PIWIL3: variants seen among roughly 807,000 people sequenced by gnomAD.
The protein encoded by PIWIL3 is piwi-like protein 3.
PIWIL3 carries 101 observed loss-of-function variants against 109.7 expected under a neutral mutation model. The ratio of observed to expected loss-of-function variants is 0.92; its 90% CI spans 0.78 to 1.09. The LOEUF (loss-of-function observed/expected upper bound fraction) is 1.09. Ranked by LOEUF, PIWIL3 falls within the 50% of genes least tolerant of loss-of-function variation. The pLI, the probability that PIWIL3 is intolerant of heterozygous loss-of-function variation, is 0.00. For missense variants in PIWIL3, 1,031 were observed against 1,072.6 expected, an observed-to-expected ratio of 0.96 and a Z score of 0.54; for synonymous variants, 373 against 376.4, an observed-to-expected ratio of 0.99 and a Z score of 0.10.
At chr22:24,772,832 A>G (rs1926203725) in intron 1 of PIWIL3, among the ~76,000 whole-genome samples, 1 of 152,212 alleles carries the variant, frequency 6.6e-6, no homozygotes, top group African/African-American at 2.4e-5. Context: ...CAGAGAAGTC[A>G]GGAAGGAGGC....
chr22:24,756,988 A>T (rs1320829988), intron 4 of PIWIL3, among the ~76,000 whole-genome samples: 1 of 150,332 alleles, frequency 6.7e-6, no homozygotes, highest in Non-Finnish European at 1.5e-5. Context: ...CTGAGACAGG[A>T]GAATCACTTG....
At chr22:24,761,924 A>T (rs1203974739) in intron 2 of PIWIL3, 1 of 977,044 alleles carries the variant, frequency 1.0e-6, no homozygotes, top group Non-Finnish European at 1.2e-6. Context: ...GTCCCCCTGG[A>T]GGTTGTCAGA....
chr22:24,727,854 C>T, intron 16 of PIWIL3, 96 bp downstream of exon 16: 1 of 996,820 alleles, frequency 1.0e-6, no homozygotes, highest in Non-Finnish European at 1.5e-6. Context: ...TGTCAAATTC[C>T]CAACCTCTTG....
At position 24,728,172 on chromosome 22, in the gene PIWIL3, C is replaced by T; in HGVS notation, c.1905+5G>A. ...GTTAAACGAAGTCAGTGAAATACAA[C>T]ATACGTCTGTCTCCACCTTCCAGAG... is the stretch of plus-strand genomic sequence containing the variant. On this transcript the variant is annotated splice_donor_5th_base_variant and intron_variant, in intron 15 of 20. Transcript: ENST00000616349. The T allele has an allele frequency of 5.0e-6, 8 of 1,613,836 alleles. No individual in the cohort carries two copies. Among genetic ancestry groups the T allele is most frequent in the Non-Finnish European group, 6.8e-6 (8 of 1,179,728 alleles).
intron 12 of PIWIL3, among the ~76,000 whole-genome samples, chr22:24,741,249 T>C (rs1354921841): frequency 1.3e-5 from 2 of 152,138 alleles, no homozygotes; most frequent in Non-Finnish European, 2.9e-5. Context: ...GCGCGGTGGC[T>C]CACACCTGTA....
At chr22:24,729,336 A>G (rs1923194205) in intron 14 of PIWIL3, among the ~76,000 whole-genome samples, 1 of 152,134 alleles carries the variant, frequency 6.6e-6, no homozygotes, top group Admixed American at 6.5e-5. Flanking sequence ...GAGAGCTCGG[A>G]TAACACCGCA....
chr22:24,743,874 T>C lies in PIWIL3; in HGVS notation c.1449+5033A>G, dbSNP rs77080336. On this transcript the variant is annotated intron_variant, in intron 12 of 20. Coordinates refer to ENST00000616349, the MANE Select transcript of PIWIL3 (RefSeq NM_001255975.1). ...CAAACGACAAATTTAAAATAGAGTT[T>C]ATTCATTTTCTTTTTGCTTGTTTGT... 2.1e-3 allele frequency among the ~76,000 whole-genome samples: 327 copies of C among 152,248 alleles called. 3 individuals carry two copies. Among genetic ancestry groups the C allele is most frequent in the African/African-American group, 7.2e-3 (299 of 41,550 alleles).
chr22:24,768,752 AT>A (rs1295676095), intron 1 of PIWIL3, among the ~76,000 whole-genome samples: 1 of 152,138 alleles, frequency 6.6e-6, no homozygotes. Flanking sequence ...AAGGAGAGAG[AT>A]TTCATTTTCT....
chr22:24,738,915 G>A (rs1397311134), intron 12 of PIWIL3, among the ~76,000 whole-genome samples: 1 of 152,082 alleles, frequency 6.6e-6, no homozygotes, highest in Non-Finnish European at 1.5e-5. Context: ...AAACAGATAT[G>A]TGACCTTTCG....
At chr22:24,746,234 C>T (rs1378340490) in intron 12 of PIWIL3, among the ~76,000 whole-genome samples, 3 of 152,180 alleles carry the variant, frequency 2.0e-5, no homozygotes, top group East Asian at 1.9e-4. Flanking sequence ...AAAAGTTCAT[C>T]ACCAAGTGGG....
intron 12 of PIWIL3, among the ~76,000 whole-genome samples, chr22:24,741,900 G>A (rs1383132597): frequency 6.6e-6 from 1 of 151,054 alleles, no homozygotes; most frequent in Non-Finnish European, 1.5e-5. Flanking sequence ...CCTAGCCAGA[G>A]CAATCAGACA....
At position 24,762,471 on chromosome 22, in the gene PIWIL3, C is replaced by T. The variant is rs74518403; in HGVS notation, c.29G>A (p.Arg10Gln). MPGRARTRA[R>Q]GRARRRESYQ... ...GCTCTCCCTGCGGCGGGCTCTGCCT[C>T]GGGCGCGAGTCCTTGCCCTACCAGG... Residue 10 changes from arginine (R) to glutamine (Q), a missense_variant, in exon 2 of 21, where the codon CGA (arginine) becomes CAA (glutamine). Transcript: ENST00000616349. 4.6e-4 allele frequency: 742 copies of T among 1,613,810 alleles called. 4 individuals are homozygous for T. In the African/African-American group the frequency reaches 7.8e-3, roughly 17 times the overall value.
Position 24,762,517 on chromosome 22 carries a change from T to C in PIWIL3, c.-18A>G. 1 of 1,607,480 alleles carries C rather than the reference T, an allele frequency of 6.2e-7. No homozygotes were observed. Among genetic ancestry groups the C allele is most frequent in the Non-Finnish European group, 8.5e-7 (1 of 1,177,718 alleles). ...CCAGGCATTGTGGTCCTGAAGGTGA[T>C]GACCCTGAAGAATACAGTTATATTA... On this transcript the variant is annotated 5_prime_UTR_variant, in exon 2 of 21. Transcript: ENST00000616349.
chr22:24,721,219 T>C lies in PIWIL3; in HGVS notation c.2358-1324A>G, dbSNP rs554820615. On this transcript the variant is annotated intron_variant, in intron 19 of 20. Coordinates refer to ENST00000616349, the MANE Select transcript of PIWIL3 (RefSeq NM_001255975.1). ...GTATCAAATTCTAGCTTGATGGTTA[T>C]TTTTAAGCATTTTAAAGATATTTCA... Among the ~76,000 whole-genome samples the C allele has an allele frequency of 2.6e-5, 4 of 152,358 alleles. No homozygotes were observed. The South Asian group carries it at 8.3e-4, about 32-fold the overall frequency.
chr22:24,765,088 A>T (rs2147726233), intron 1 of PIWIL3, among the ~76,000 whole-genome samples: 1 of 152,272 alleles, frequency 6.6e-6, no homozygotes, highest in Non-Finnish European at 1.5e-5. Flanking sequence ...TTCTAGCTGT[A>T]TGATTTGTTT....
chr22:24,725,784 G>C (rs1922954864), intron 16 of PIWIL3, among the ~76,000 whole-genome samples: 1 of 152,192 alleles, frequency 6.6e-6, no homozygotes, highest in Non-Finnish European at 1.5e-5. Context: ...GACGACTGCA[G>C]TTTCGCCTAT....
chr22:24,773,508 T>A (rs1428314084), intron 1 of PIWIL3, among the ~76,000 whole-genome samples: 1 of 152,094 alleles, frequency 6.6e-6, no homozygotes, highest in Non-Finnish European at 1.5e-5. Flanking sequence ...ACCATCTGCA[T>A]CATCCCCATC....
At chr22:24,748,120 G>A (rs1259043100) in intron 12 of PIWIL3, among the ~76,000 whole-genome samples, 1 of 152,132 alleles carries the variant, frequency 6.6e-6, no homozygotes, top group Non-Finnish European at 1.5e-5. Context: ...ATGAGACCCT[G>A]TCATTTGCAA....
intron 2 of PIWIL3, among the ~76,000 whole-genome samples, chr22:24,761,269 A>C (rs1925421938): frequency 6.6e-6 from 1 of 152,130 alleles, no homozygotes; most frequent in Admixed American, 6.5e-5. Flanking sequence ...ATGAGGCTCA[A>C]GGGCTGGGTC....
Sources: allele counts gnomAD v4.1 joint callset (sites outside exome capture counted in the v4.1 genomes callset), GRCh38; gene constraint gnomAD v4.1.1; transcripts MANE v1.5; gene names NCBI Gene and HGNC (gene_info 2026-07-23, HGNC 2026-07-21).